Variants in SLC44A5 observed in about 807,000 individuals in gnomAD.
SLC44A5 encodes the protein choline transporter-like protein 5.
In SLC44A5, 57 loss-of-function variants were observed where a neutral mutation model predicts 101.8. The observed-to-expected ratio is 0.56, with a 90% confidence interval of 0.45 to 0.70. SLC44A5 has a LOEUF of 0.70. Ranked by LOEUF, SLC44A5 falls within the 30% of genes least tolerant of loss-of-function variation. The pLI is 0.00. For synonymous variants in SLC44A5, 281 were observed against 290.9 expected (o/e 0.97, Z 0.35); for missense variants, 737 against 853.1 (o/e 0.86, Z 1.70).
At chr1:75,339,689 T>C in intron 3 of SLC44A5, 59 bp from the exon 4 acceptor site, 1 of 1,437,400 alleles carries the variant, frequency 7.0e-7, no homozygotes, top group South Asian at 1.2e-5. Flanking sequence ...TAATATAAAA[T>C]ATTAATGAAG....
intron 4 of SLC44A5, among the ~76,000 whole-genome samples, chr1:75,302,202 CT>C (rs1179754740): frequency 8.0e-6 from 1 of 124,966 alleles, no homozygotes; most frequent in Non-Finnish European, 1.6e-5. Context: ...CACCTGCATT[CT>C]TACGTATCCT....
intron 5 of SLC44A5, among the ~76,000 whole-genome samples, chr1:75,284,804 A>G (rs140925661): frequency 2.0e-4 from 31 of 152,272 alleles, no homozygotes; most frequent in African/African-American, 7.5e-4. Context: ...TATGTGATGT[A>G]TCACATTTAT....
intron 2 of SLC44A5, among the ~76,000 whole-genome samples, chr1:75,452,796 G>T (rs565631697): frequency 6.6e-6 from 1 of 151,978 alleles, no homozygotes; most frequent in Non-Finnish European, 1.5e-5. Context: ...GGGCAAAGGG[G>T]GGCATTACAA....
chr1:75,683,615 G>A, the SLC44A5 span, among the ~76,000 whole-genome samples: 2 of 152,110 alleles, frequency 1.3e-5, no homozygotes, highest in African/African-American at 4.8e-5. Flanking sequence ...GTGAGGTGGC[G>A]GAAGGGGGGA....
chr1:75,468,284 G>C (rs191175695), intron 2 of SLC44A5, among the ~76,000 whole-genome samples: 18 of 152,226 alleles, frequency 1.2e-4, no homozygotes, highest in African/African-American at 4.1e-4. Context: ...ATTAAAACTA[G>C]AGATACTATA....
chr1:75,572,779 G>C lies in SLC44A5; in HGVS notation c.-69-31263C>G, dbSNP rs775208702. ...GATATGATCATATGTGGAAAAAGAG[G>C]AATGGGGAAGTAAAGAGTAATATAA... On this transcript the variant is annotated intron_variant, in intron 1 of 23. Transcript: ENST00000370859. Among the ~76,000 whole-genome samples, 12 of 152,044 alleles carry C rather than the reference G, an allele frequency of 7.9e-5. No individual in the cohort carries two copies. The South Asian group carries it at 2.1e-3, about 26-fold the overall frequency.
chr1:75,265,999 A>C (rs1031577120), intron 6 of SLC44A5, among the ~76,000 whole-genome samples: 1 of 152,184 alleles, frequency 6.6e-6, no homozygotes, highest in African/African-American at 2.4e-5. Flanking sequence ...AGTTACACAC[A>C]ACAACAAAGC....
chr1:75,616,363 G>T, the SLC44A5 span, among the ~76,000 whole-genome samples: 12 of 152,236 alleles, frequency 7.9e-5, no homozygotes, highest in Non-Finnish European at 1.3e-4. Context: ...GGAGCTGCTG[G>T]GGGGCGCGGA....
intron 6 of SLC44A5, among the ~76,000 whole-genome samples, chr1:75,251,829 C>A (rs1649606211): frequency 6.6e-6 from 1 of 152,120 alleles, no homozygotes; most frequent in Admixed American, 6.5e-5. Context: ...TTTCTCTCTG[C>A]TGAAAATTAT....
the SLC44A5 span, among the ~76,000 whole-genome samples, chr1:75,654,318 AC>A: frequency 6.6e-6 from 1 of 152,358 alleles, no homozygotes; most frequent in African/African-American, 2.4e-5. Context: ...AAATAAACTA[AC>A]ATTACTTTAA....
intron 2 of SLC44A5, among the ~76,000 whole-genome samples, chr1:75,478,254 A>G (rs1179876598): frequency 2.6e-5 from 4 of 152,240 alleles, no homozygotes; most frequent in South Asian, 2.1e-4. Flanking sequence ...TGAAGGAAGC[A>G]CTAAACATGG....
intron 2 of SLC44A5, among the ~76,000 whole-genome samples, chr1:75,415,020 T>C (rs1028332944): frequency 2.0e-5 from 3 of 152,130 alleles, no homozygotes; most frequent in Non-Finnish European, 4.4e-5. Flanking sequence ...ATAAGGATGA[T>C]GCAAAGAGAC....
chr1:75,664,373 T>C, the SLC44A5 span, among the ~76,000 whole-genome samples: 19 of 152,014 alleles, frequency 1.2e-4, no homozygotes, highest in African/African-American at 4.3e-4. Flanking sequence ...AGTCAAATTA[T>C]CTCTCTTCAC....
chr1:75,482,926 GAAATA>G (rs1048118316), intron 2 of SLC44A5, among the ~76,000 whole-genome samples: 10 of 152,052 alleles, frequency 6.6e-5, no homozygotes, highest in African/African-American at 1.9e-4. Flanking sequence ...GATAAACTAT[GAAATA>G]AAATAAAGTC....
At chr1:75,303,099 G>A in intron 4 of SLC44A5, among the ~76,000 whole-genome samples, 1 of 152,232 alleles carries the variant, frequency 6.6e-6, no homozygotes, top group East Asian at 1.9e-4. Context: ...CTATTATAAG[G>A]TTTTGTATTT....
chr1:75,577,964 G>A (rs1213223194), intron 1 of SLC44A5, among the ~76,000 whole-genome samples: 1 of 151,988 alleles, frequency 6.6e-6, no homozygotes, highest in African/African-American at 2.4e-5. Context: ...AATTACATTA[G>A]CTTCAAAACA....
chr1:75,610,091 T>C (rs1324070198), intron 1 of SLC44A5, among the ~76,000 whole-genome samples: 3 of 148,856 alleles, frequency 2.0e-5, no homozygotes, highest in Non-Finnish European at 4.5e-5. Flanking sequence ...CCTCAGTTCT[T>C]CCCACACAGA....
intron 1 of SLC44A5, among the ~76,000 whole-genome samples, chr1:75,610,328 G>A (rs527265637): frequency 1.3e-5 from 2 of 152,108 alleles, no homozygotes; most frequent in East Asian, 3.9e-4. Flanking sequence ...GCCAAGTAAG[G>A]TGACCCAATG....
intron 20 of SLC44A5, among the ~76,000 whole-genome samples, chr1:75,214,360 G>A (rs1006929390): frequency 6.6e-6 from 1 of 151,986 alleles, no homozygotes; most frequent in African/African-American, 2.4e-5. Flanking sequence ...AATTTCTTGA[G>A]CAGAGGGGAT....
Sources: allele counts gnomAD v4.1 joint callset (sites outside exome capture counted in the v4.1 genomes callset), GRCh38; gene constraint gnomAD v4.1.1; transcripts MANE v1.5; gene names NCBI Gene and HGNC (gene_info 2026-07-23, HGNC 2026-07-21).